Variants in PCDHGA2 observed in about 807,000 individuals in gnomAD.
The protein encoded by PCDHGA2 is protocadherin gamma-A2.
In PCDHGA2, 40 loss-of-function variants were observed where a neutral mutation model predicts 59.2. The observed-to-expected ratio is 0.68, with a 90% CI of 0.52 to 0.88. The LOEUF is 0.88. PCDHGA2 is among the 40% of genes least tolerant of loss of function. The pLI is 0.00. For missense variants in PCDHGA2, 1,226 were observed against 1,204.0 expected, an observed-to-expected ratio of 1.02 and a Z score of -0.27; for synonymous variants, 560 against 526.0, an observed-to-expected ratio of 1.06 and a Z score of -0.89.
At chr5:141,433,099 C>T (rs1003269683) in intron 1 of PCDHGA2, 1 of 1,614,190 alleles carries the variant, frequency 6.2e-7, no homozygotes, top group Non-Finnish European at 8.5e-7. Context: ...ACATGCTCGT[C>T]AGCCAGGAGA....
chr5:141,421,288 C>T, intron 1 of PCDHGA2: 1 of 1,613,312 alleles, frequency 6.2e-7, no homozygotes, highest in Non-Finnish European at 8.5e-7. Context: ...GTGCATTTTC[C>T]TGGGGACGCT....
intron 1 of PCDHGA2, chr5:141,409,829 A>AGC (rs2095323181): frequency 6.2e-7 from 1 of 1,610,980 alleles, no homozygotes; most frequent in African/African-American, 1.3e-5. Context: ...GCCCACGCTC[A>AGC]GCGCCAACGT....
chr5:141,401,370 G>A (rs1226150761), intron 1 of PCDHGA2, among the ~76,000 whole-genome samples: 1 of 152,028 alleles, frequency 6.6e-6, no homozygotes, highest in Non-Finnish European at 1.5e-5. Flanking sequence ...AGGAGAGGAA[G>A]AAGAAGAAAA....
At chr5:141,364,976 G>A (rs781674344) in intron 1 of PCDHGA2, 1 of 1,613,902 alleles carries the variant, frequency 6.2e-7, no homozygotes, top group Middle Eastern at 1.6e-4. Flanking sequence ...CACAGCTTTA[G>A]ATGGCGGAGA....
At chr5:141,371,258 G>A in intron 1 of PCDHGA2, 1 of 1,614,052 alleles carries the variant, frequency 6.2e-7, no homozygotes, top group South Asian at 1.1e-5. Context: ...GCAAGGAAGT[G>A]AGACAACTGT....
Position 141,487,925 on chromosome 5 carries a change from C to T in PCDHGA2, c.2425-6882C>T. 4.8e-6 allele frequency: 3 copies of T among 629,734 alleles called. No homozygotes were observed. The highest frequency in any genetic ancestry group is 8.3e-6 in the Non-Finnish European group (3 of 362,440). 39.0% of individuals were successfully genotyped at this position (629,734 alleles called of 1,614,324 possible). On this transcript the variant is annotated intron_variant, in intron 1 of 3. Coordinates refer to ENST00000394576, the MANE Select transcript of PCDHGA2 (RefSeq NM_018915.4). The surrounding 1 kb of genome is among the most constrained non-coding windows in gnomAD (Gnocchi z 5.0). ...TGTGGGAGCACAGGAGGCTACAGTGCACAGGGTACAGTGCACCAGGCAGTC... is the reference window on the plus strand; with the variant it reads ...TGTGGGAGCACAGGAGGCTACAGTGTACAGGGTACAGTGCACCAGGCAGTC...
chr5:141,356,171 G>A, intron 1 of PCDHGA2: 1 of 1,612,890 alleles, frequency 6.2e-7, no homozygotes, highest in South Asian at 1.1e-5. Context: ...GCCCATGATG[G>A]GCCTGGTCTC....
Position 141,419,737 on chromosome 5 carries a change from G to A in PCDHGA2, c.2425-75070G>A, listed in dbSNP as rs201663350. 29 of 1,613,836 alleles carry A rather than the reference G, an allele frequency of 1.8e-5. No individual in the cohort carries two copies. In the African/African-American group the frequency reaches 3.6e-4, roughly 20 times the overall value. ...GCCTGGGGCTGCGAACAGGCGAGGTGCGCATGGTGCGTGCTTTGGGTGACA... is the reference window on the plus strand; with the variant it reads ...GCCTGGGGCTGCGAACAGGCGAGGTACGCATGGTGCGTGCTTTGGGTGACA... On this transcript the variant is annotated intron_variant, in intron 1 of 3. Transcript: ENST00000394576.
intron 1 of PCDHGA2, among the ~76,000 whole-genome samples, chr5:141,452,271 C>A (rs1592214421): frequency 6.6e-6 from 1 of 152,108 alleles, no homozygotes. Flanking sequence ...TTTCTTGAAC[C>A]CTTTCTTACT....
Position 141,438,011 on chromosome 5 carries a change from G to T in PCDHGA2, c.2425-56796G>T, listed in dbSNP as rs189978786. On this transcript the variant is annotated intron_variant, in intron 1 of 3. Coordinates refer to ENST00000394576, the MANE Select transcript of PCDHGA2 (RefSeq NM_018915.4). ...CCACCTCAGCCTCCCAAATAGCTGAGATTACAGGTGTGAGCCACCATGCCC... is the reference window on the plus strand; with the variant it reads ...CCACCTCAGCCTCCCAAATAGCTGATATTACAGGTGTGAGCCACCATGCCC... 2.8e-3 allele frequency among the ~76,000 whole-genome samples: 432 copies of T among 152,220 alleles called. 1 individual carries two copies. The highest frequency in any genetic ancestry group is 0.021 in the Admixed American group (318 of 15,288).
chr5:141,355,714 C>A, intron 1 of PCDHGA2: 1 of 1,614,048 alleles, frequency 6.2e-7, no homozygotes, highest in East Asian at 2.2e-5. Flanking sequence ...GGGTTACCAG[C>A]TCAACTCAAA....
chr5:141,469,829 A>G (rs2099212486), intron 1 of PCDHGA2, among the ~76,000 whole-genome samples: 1 of 152,102 alleles, frequency 6.6e-6, no homozygotes, highest in African/African-American at 2.4e-5. Context: ...AGGTCACATA[A>G]AACTTATTCT....
intron 1 of PCDHGA2, 162 bp downstream of exon 1, chr5:141,341,557 A>G: frequency 7.5e-7 from 1 of 1,340,502 alleles, no homozygotes; most frequent in Admixed American, 2.8e-5. Context: ...TAGTGTTCAC[A>G]GGCTGTAAGA....
intron 1 of PCDHGA2, chr5:141,342,379 T>C (rs1757153633): frequency 2.6e-5 from 4 of 152,206 alleles, no homozygotes; most frequent in Admixed American, 2.6e-4. Flanking sequence ...TTTAGTATGT[T>C]GGTTATGTAT....
intron 1 of PCDHGA2, chr5:141,400,483 C>G (rs748464990): frequency 1.4e-5 from 22 of 1,613,902 alleles, no homozygotes; most frequent in Non-Finnish European, 1.7e-5. Context: ...GGCCTTATTT[C>G]CACTTTGTAA....
chr5:141,510,709 CAGTGAGTAAGGAA>C (rs1452833908), intron 3 of PCDHGA2, among the ~76,000 whole-genome samples: 7 of 152,168 alleles, frequency 4.6e-5, no homozygotes, highest in Admixed American at 4.6e-4. Flanking sequence ...CCCAGGATCA[CAGTGAGTAAGGAA>C]AGGAGCTAGG....
At chr5:141,389,691 T>A in intron 1 of PCDHGA2, 1 of 1,612,564 alleles carries the variant, frequency 6.2e-7, no homozygotes, top group Non-Finnish European at 8.5e-7. Flanking sequence ...CGCCTGGCTG[T>A]CCTACCACGT....
In PCDHGA2 at chr5:141,340,322, G is replaced by A. The variant is rs746073058; in HGVS notation, c.1351G>A (p.Ala451Thr). The A allele has an allele frequency of 1.2e-6, 2 of 1,614,012 alleles. No homozygotes were observed. The highest frequency in any genetic ancestry group is 1.7e-6 in the Non-Finnish European group (2 of 1,179,988). The change falls in exon 1 of 4, where the codon GCC becomes ACC. Residue 451 changes from alanine (A) to threonine (T), a missense_variant. By Grantham distance (58) the Ala-to-Thr change is moderately conservative. Transcript: ENST00000394576. ...GGCAGACATCAACGACAACGCACCC[G>A]CCTTCTCCCGCACATCCTACTCCAC... ...QVADINDNAP[A>T]FSRTSYSTYI...
intron 1 of PCDHGA2, chr5:141,375,193 A>G: frequency 6.2e-7 from 1 of 1,613,982 alleles, no homozygotes; most frequent in Non-Finnish European, 8.5e-7. Context: ...CCCTTTTTCA[A>G]GTGTTCGATC....
Sources: gnomAD v4.1 joint callset for allele counts (sites outside exome capture counted in the v4.1 genomes callset) on GRCh38, gnomAD v4.1.1 for gene constraint, Gnocchi (gnomAD v3.1) non-coding constraint, MANE v1.5 for transcripts, NCBI Gene and HGNC (gene_info 2026-07-23, HGNC 2026-07-21) for gene names.